Variants in SH2B3 observed in about 807,000 individuals in gnomAD.
SH2B3 encodes SH2B adaptor protein 3.
A neutral mutation model predicts 51.9 loss-of-function variants in SH2B3; 43 were observed. The observed-to-expected ratio is 0.83, with a 90% CI of 0.65 to 1.07. The LOEUF is 1.07. Ranked by LOEUF, SH2B3 falls within the 50% of genes least tolerant of loss-of-function variation. SH2B3 has a pLI of 0.00. For missense variants in SH2B3, 952 were observed against 834.3 expected, an observed-to-expected ratio of 1.14 and a Z score of -1.74; for synonymous variants, 396 against 376.0, an observed-to-expected ratio of 1.05 and a Z score of -0.62.
chr12:111,430,711 C>T (rs1477532525), intron 2 of SH2B3, among the ~76,000 whole-genome samples: 1 of 152,170 alleles, frequency 6.6e-6, no homozygotes, highest in Non-Finnish European at 1.5e-5. Context: ...CCTCTCTGCG[C>T]CTCAGTGGCT....
At chr12:111,442,022 C>T (rs12100004) in intron 2 of SH2B3, among the ~76,000 whole-genome samples, 271 of 152,204 alleles carry the variant, frequency 1.8e-3, no homozygotes, top group African/African-American at 6.1e-3. Flanking sequence ...ACCTCTGTCT[C>T]CCAGGTTCAA....
intron 2 of SH2B3, among the ~76,000 whole-genome samples, chr12:111,440,154 T>C (rs1873269304): frequency 6.6e-6 from 1 of 152,216 alleles, no homozygotes; most frequent in Non-Finnish European, 1.5e-5. Context: ...CCCTTCCAGA[T>C]GTCCTGTGCC....
chr12:111,411,859 C>G (rs932023256), intron 1 of SH2B3, among the ~76,000 whole-genome samples: 3 of 152,218 alleles, frequency 2.0e-5, no homozygotes, highest in African/African-American at 4.8e-5. Flanking sequence ...TCATCCTGCC[C>G]CTCACCTGGC....
chr12:111,407,060 A>T lies in SH2B3; in HGVS notation c.-28+783A>T, dbSNP rs189207135. 2.2e-4 allele frequency among the ~76,000 whole-genome samples: 33 copies of T among 152,170 alleles called. No individual in the cohort carries two copies. Among genetic ancestry groups the T allele is most frequent in the African/African-American group, 7.9e-4 (33 of 41,530 alleles). On this transcript the variant is annotated intron_variant, in intron 1 of 7. Transcript: ENST00000341259. This position sits in a 1 kb window ranked among gnomAD's most constrained non-coding sequence, Gnocchi z 4.3. Reference sequence around the variant, plus strand: ...TTCCCTCCCTTCCCTCCCTCCGGCCAGGGGAGCTTTGTTTTGAGGGAGGGG... The same window carrying T: ...TTCCCTCCCTTCCCTCCCTCCGGCCTGGGGAGCTTTGTTTTGAGGGAGGGG...
In SH2B3 at chr12:111,450,321, T is replaced by A. The variant is rs1874459913; in HGVS notation, c.*2019T>A. 1.3e-5 allele frequency: 2 copies of A among 152,284 alleles called. No individual in the cohort carries two copies. The highest frequency in any genetic ancestry group is 4.1e-4 in the South Asian group (2 of 4,836). The allele number at this position is 152,284 out of a possible 1,614,324, so 9.4% of individuals were successfully genotyped here. A position where few individuals can be genotyped will look rare whatever the true frequency, so the allele number is the denominator to read the frequency against. ...TGCAGTCCATTTTTAAGGACACCTGTCTTTATTTCCTCAAAGTCAAGCAGC... is the reference window on the plus strand; with the variant it reads ...TGCAGTCCATTTTTAAGGACACCTGACTTTATTTCCTCAAAGTCAAGCAGC... On this transcript the variant is annotated 3_prime_UTR_variant, in exon 8 of 8. Transcript: ENST00000341259.
At position 111,406,541 on chromosome 12, in the gene SH2B3, C is replaced by A. The variant is rs988640706; in HGVS notation, c.-28+264C>A. On this transcript the variant is annotated intron_variant, in intron 1 of 7. Transcript: ENST00000341259. The surrounding 1 kb of genome is among the most constrained non-coding windows in gnomAD (Gnocchi z 5.7). ...GGCCGTGGGATGGGGGAGAGGGCAT[C>A]GCTGACGCCCCCAGCCCACCCTACG... Among the ~76,000 whole-genome samples the A allele has an allele frequency of 6.6e-6, 1 of 152,130 alleles. No homozygotes were observed. The highest frequency in any genetic ancestry group is 1.5e-5 in the Non-Finnish European group (1 of 67,998).
rs1233684633 is a variant in SH2B3, at chr12:111,418,743, G to A, written c.598G>A (p.Val200Met). 1 of 1,484,950 alleles carries A rather than the reference G, an allele frequency of 6.7e-7. No homozygotes were observed. The highest frequency in any genetic ancestry group is 8.9e-7 in the Non-Finnish European group (1 of 1,125,302). 92.0% of individuals were successfully genotyped at this position (1,484,950 alleles called of 1,614,324 possible). A position where few individuals can be genotyped will look rare whatever the true frequency, so the allele number is the denominator to read the frequency against. Residue 200 changes from valine to methionine, a missense_variant, in exon 2 of 8, where the codon GTG becomes ATG. Physicochemically the swap from Val to Met is conservative, Grantham distance 21. Transcript: ENST00000341259. This position sits in a 1 kb window ranked among gnomAD's most constrained non-coding sequence, Gnocchi z 6.7. ...GCCACCCGAGGCGCTGAAGGAGGCG[G>A]TGCTGCGCTACAGCCTGGCCGACGA... is the stretch of plus-strand genomic sequence containing the variant. Reference protein sequence around the residue: ...EPPPEALKEAVLRYSLADEAS... With the variant: ...EPPPEALKEAMLRYSLADEAS...
chr12:111,429,015 C>CGAGGAGGAGGAG lies in SH2B3; in HGVS notation c.732+10159_732+10170dup, dbSNP rs142822757. On this transcript the variant is annotated intron_variant, in intron 2 of 7. Coordinates refer to ENST00000341259, the MANE Select transcript of SH2B3 (RefSeq NM_005475.3). This position sits in a 1 kb window ranked among gnomAD's most constrained non-coding sequence, Gnocchi z 4.4. ...GCGGTTTCCTCTCGGGGCAGGAGTG[C>CGAGGAGGAGGAG]GAGGAGGAGGAGGAGGAGGAGGAGG... 9.4e-4 allele frequency among the ~76,000 whole-genome samples: 108 copies of CGAGGAGGAGGAG among 114,928 alleles called. No individual in the cohort carries two copies. Among genetic ancestry groups the CGAGGAGGAGGAG allele is most frequent in the Non-Finnish European group, 1.7e-3 (93 of 54,876 alleles). 75.4% of individuals were successfully genotyped at this position (114,928 alleles called of 152,430 possible).
Position 111,418,527 on chromosome 12 carries a change from C to T in SH2B3, c.382C>T (p.Arg128Trp), listed in dbSNP as rs762802566. ...CAGCTCTGAGGAGCTGGCCCCGCCG[C>T]GGCCGCCCGGGCCCTGCTCCTTCCA... ...ARSSEELAPPRPPGPCSFQHF... is the reference protein window; with the variant it reads ...ARSSEELAPPWPPGPCSFQHF... The change falls in exon 2 of 8, where the codon CGG becomes TGG. Residue 128 changes from arginine (R) to tryptophan (W), a missense_variant. Arg to Trp is a moderately radical substitution (Grantham distance 101). Transcript: ENST00000341259. This position sits in a 1 kb window ranked among gnomAD's most constrained non-coding sequence, Gnocchi z 6.7. 8 of 1,398,122 alleles carry T rather than the reference C, an allele frequency of 5.7e-6. No homozygotes were observed. The South Asian group carries it at 7.0e-5, about 12-fold the overall frequency. 86.6% of individuals were successfully genotyped at this position (1,398,122 alleles called of 1,614,324 possible).
At chr12:111,420,908 C>T (rs1008329171) in intron 2 of SH2B3, among the ~76,000 whole-genome samples, 1 of 152,214 alleles carries the variant, frequency 6.6e-6, no homozygotes, top group African/African-American at 2.4e-5. Context: ...CGTTTTCAAA[C>T]TGACTGTGGC....
At position 111,406,149 on chromosome 12, in the gene SH2B3, G is replaced by T. The variant is rs958004616; in HGVS notation, c.-156G>T. On this transcript the variant is annotated 5_prime_UTR_variant, in exon 1 of 8. Transcript: ENST00000341259. The surrounding 1 kb of genome is among the most constrained non-coding windows in gnomAD (Gnocchi z 5.7). ...TGCCTGAGCCCCGCTCGAGCGAGCC[G>T]CGAGCGAGGAGCCGGCGGGCGGGAG... 3.3e-5 allele frequency: 5 copies of T among 151,888 alleles called. No individual in the cohort carries two copies. Among genetic ancestry groups the T allele is most frequent in the Non-Finnish European group, 7.4e-5 (5 of 67,910 alleles). The allele number at this position is 151,888 out of a possible 1,614,324, so 9.4% of individuals were successfully genotyped here. A position where few individuals can be genotyped will look rare whatever the true frequency, so the allele number is the denominator to read the frequency against.
intron 2 of SH2B3, among the ~76,000 whole-genome samples, chr12:111,428,838 A>G (rs1259377006): frequency 1.3e-5 from 2 of 151,320 alleles, no homozygotes; most frequent in East Asian, 2.0e-4. Flanking sequence ...CCGCCCTCAC[A>G]CCTCCTTTAC....
chr12:111,406,724 G>A lies in SH2B3; in HGVS notation c.-28+447G>A, dbSNP rs1157936010. On this transcript the variant is annotated intron_variant, in intron 1 of 7. Coordinates refer to ENST00000341259, the MANE Select transcript of SH2B3 (RefSeq NM_005475.3). This position sits in a 1 kb window ranked among gnomAD's most constrained non-coding sequence, Gnocchi z 5.7. The stretch of plus-strand genomic sequence containing the variant: ...TGGGGGCAGCGGGGGAGGATGCGCC[G>A]GCCCCTCCCCACTCCCCATTCCGGG... Among the ~76,000 whole-genome samples the A allele has an allele frequency of 6.6e-6, 1 of 152,168 alleles. No individual in the cohort carries two copies. The highest frequency in any genetic ancestry group is 6.5e-5 in the Admixed American group (1 of 15,278).
intron 2 of SH2B3, among the ~76,000 whole-genome samples, chr12:111,427,452 A>AG (rs150736750): frequency 0.017 from 2,390 of 143,274 alleles, 68 homozygotes; most frequent in African/African-American, 0.055. Context: ...CCGGCATTGG[A>AG]GGGGGTCCCA....
intron 2 of SH2B3, among the ~76,000 whole-genome samples, chr12:111,424,419 G>A (rs148915930): frequency 2.6e-5 from 4 of 152,218 alleles, no homozygotes; most frequent in African/African-American, 9.6e-5. Context: ...GACTTCGGGC[G>A]GAGAGCCCAG....
intron 1 of SH2B3, among the ~76,000 whole-genome samples, chr12:111,414,629 T>C (rs1012097055): frequency 1.3e-5 from 2 of 151,596 alleles, no homozygotes; most frequent in Non-Finnish European, 2.9e-5. Context: ...CATGGCCCCC[T>C]TCCATCGAGG....
chr12:111,409,016 G>A lies in SH2B3; in HGVS notation c.-28+2739G>A, dbSNP rs1870467299. Among the ~76,000 whole-genome samples, 1 of 152,236 alleles carries A rather than the reference G, an allele frequency of 6.6e-6. No individual in the cohort carries two copies. On this transcript the variant is annotated intron_variant, in intron 1 of 7. Coordinates refer to ENST00000341259, the MANE Select transcript of SH2B3 (RefSeq NM_005475.3). The surrounding 1 kb of genome is among the most constrained non-coding windows in gnomAD (Gnocchi z 4.0). Reference sequence around the variant, plus strand: ...AAATTCCCACTTCTCCCTGGTAGCAGTATGGACTTTGGGGCCAAATCTGGG... The same window carrying A: ...AAATTCCCACTTCTCCCTGGTAGCAATATGGACTTTGGGGCCAAATCTGGG...
intron 2 of SH2B3, among the ~76,000 whole-genome samples, chr12:111,433,343 T>G (rs897388256): frequency 3.9e-5 from 6 of 152,020 alleles, no homozygotes; most frequent in Non-Finnish European, 7.4e-5. Flanking sequence ...AGAGAGAGAC[T>G]CTGACTCAGA....
intron 2 of SH2B3, among the ~76,000 whole-genome samples, chr12:111,422,584 G>A (rs1288197174): frequency 1.4e-5 from 2 of 145,864 alleles, no homozygotes; most frequent in Non-Finnish European, 3.0e-5. Context: ...TTCTTGAGAT[G>A]GAGTCTCACT....
Sources: allele counts gnomAD v4.1 joint callset (sites outside exome capture counted in the v4.1 genomes callset), GRCh38; gene constraint gnomAD v4.1.1; non-coding constraint Gnocchi (gnomAD v3.1); transcripts MANE v1.5; gene names NCBI Gene and HGNC (gene_info 2026-07-23, HGNC 2026-07-21).